TOM1L2: variants seen among roughly 807,000 people sequenced by gnomAD.
TOM1L2 encodes TOM1-like protein 2.
A neutral mutation model predicts 67.9 loss-of-function variants in TOM1L2; 31 were observed. That is an observed-to-expected ratio of 0.46 (90% CI 0.34 to 0.62). The LOEUF is 0.62. TOM1L2 is among the 20% of genes least tolerant of loss of function. The pLI is 0.01. For missense variants in TOM1L2, 606 were observed against 663.5 expected, an observed-to-expected ratio of 0.91 and a Z score of 0.95; for synonymous variants, 256 against 254.0, an observed-to-expected ratio of 1.01 and a Z score of -0.07.
At chr17:17,866,607 T>TCACTGCCTCCTCCCCGTCCC (rs1437955135) in intron 9 of TOM1L2, among the ~76,000 whole-genome samples, 188 bp from the exon 10 acceptor site, 1 of 152,150 alleles carries the variant, frequency 6.6e-6, no homozygotes, top group East Asian at 1.9e-4. Flanking sequence ...TGAGCCCTGC[T>TCACTGCCTCCTCCCCGTCCC]CACTGCCTCC....
chr17:17,895,952 C>T (rs2038548390), intron 3 of TOM1L2, among the ~76,000 whole-genome samples: 2 of 152,196 alleles, frequency 1.3e-5, no homozygotes, highest in African/African-American at 2.4e-5. Context: ...CCTTGCCTTG[C>T]TGCTGGCTGC....
At chr17:17,941,887 G>C (rs960193486) in intron 1 of TOM1L2, among the ~76,000 whole-genome samples, 1 of 152,194 alleles carries the variant, frequency 6.6e-6, no homozygotes, top group African/African-American at 2.4e-5. Context: ...CTACTAGGGA[G>C]GGAAGGTGGA....
intron 1 of TOM1L2, among the ~76,000 whole-genome samples, chr17:17,969,841 C>G (rs775773355): frequency 1.4e-5 from 2 of 145,526 alleles, no homozygotes; most frequent in African/African-American, 2.6e-5. Flanking sequence ...AACTACATTA[C>G]TCTGTGAATA....
At chr17:17,959,939 T>C (rs569840269) in intron 1 of TOM1L2, among the ~76,000 whole-genome samples, 26 of 152,342 alleles carry the variant, frequency 1.7e-4, no homozygotes, top group African/African-American at 6.3e-4. Flanking sequence ...TTTTCCTCCA[T>C]CCATCACTGT....
chr17:17,901,698 C>T (rs2038864926), intron 2 of TOM1L2, among the ~76,000 whole-genome samples: 1 of 152,232 alleles, frequency 6.6e-6, no homozygotes, highest in South Asian at 2.1e-4. Flanking sequence ...CTCCTCTGTG[C>T]CCTCTCCAGC....
intron 1 of TOM1L2, among the ~76,000 whole-genome samples, chr17:17,912,133 C>T (rs548997874): frequency 2.0e-5 from 3 of 152,390 alleles, no homozygotes; most frequent in East Asian, 1.9e-4. Context: ...ACAAAACCGC[C>T]ACTGTCATCA....
chr17:17,862,744 C>T lies in TOM1L2; in HGVS notation c.1189G>A (p.Glu397Lys). ...GGCCCCACATACGTCTTGCGCTGCT[C>T]AGCCAAGGAGTTTCCTCTCGTCTGG... ...FAQTRGNSLA[E>K]QRKTVTYEDP... Residue 397 changes from glutamate (E) to lysine (K), a missense_variant, in exon 11 of 15, where the codon GAG (glutamate) becomes AAG (lysine). Physicochemically the swap from Glu to Lys is moderately conservative, Grantham distance 56. This residue lies in a region of TOM1L2 where 543 missense variants were observed against 554.0 expected (regional missense o/e 0.98). Coordinates refer to ENST00000379504, the MANE Select transcript of TOM1L2 (RefSeq NM_001082968.2). 6.2e-7 allele frequency: 1 copy of T among 1,613,400 alleles called. No homozygotes were observed. The highest frequency in any genetic ancestry group is 1.1e-5 in the South Asian group (1 of 91,040).
chr17:17,893,596 G>C, intron 4 of TOM1L2, 65 bp downstream of exon 4: 1 of 1,435,272 alleles, frequency 7.0e-7, no homozygotes, highest in Non-Finnish European at 9.6e-7. Flanking sequence ...GAGAGCATGA[G>C]GACTCATCAA....
At chr17:17,863,699 C>T (rs1167470595) in intron 10 of TOM1L2, among the ~76,000 whole-genome samples, 2 of 151,954 alleles carry the variant, frequency 1.3e-5, no homozygotes, top group Non-Finnish European at 2.9e-5. Flanking sequence ...CAGGTATGTG[C>T]CACCATGCCC....
intron 3 of TOM1L2, among the ~76,000 whole-genome samples, chr17:17,897,277 A>T (rs1429823948): frequency 2.0e-5 from 3 of 152,212 alleles, no homozygotes; most frequent in African/African-American, 7.2e-5. Flanking sequence ...TCTGAGAAAA[A>T]ATAAAATAAA....
At chr17:17,941,777 A>T (rs2040743915) in intron 1 of TOM1L2, among the ~76,000 whole-genome samples, 1 of 152,218 alleles carries the variant, frequency 6.6e-6, no homozygotes, top group South Asian at 2.1e-4. Flanking sequence ...AACTCGGCTG[A>T]CTGAAAAACA....
At chr17:17,930,529 C>T (rs2144694842) in intron 1 of TOM1L2, among the ~76,000 whole-genome samples, 1 of 152,274 alleles carries the variant, frequency 6.6e-6, no homozygotes, top group South Asian at 2.1e-4. Flanking sequence ...AAATACCCTT[C>T]CCCAGCAGCC....
At chr17:17,848,738 G>A in intron 14 of TOM1L2, 85 bp downstream of exon 14, 1 of 1,488,412 alleles carries the variant, frequency 6.7e-7, no homozygotes, top group South Asian at 1.1e-5. Flanking sequence ...TGGCAGCGGG[G>A]GCTCCAAGAT....
chr17:17,966,585 T>A (rs912523827), intron 1 of TOM1L2, among the ~76,000 whole-genome samples: 7 of 152,126 alleles, frequency 4.6e-5, no homozygotes, highest in African/African-American at 1.4e-4. Context: ...TCCAGGTGAT[T>A]CCCTTGCGGC....
rs369013597 is a variant in TOM1L2, at chr17:17,869,426, G to C, written c.825C>G (p.Leu275=). 52 of 1,613,436 alleles carry C rather than the reference G, an allele frequency of 3.2e-5. No individual in the cohort carries two copies. The African/African-American group carries it at 6.1e-4, about 19-fold the overall frequency. The stretch of plus-strand genomic sequence containing the variant: ...CCTCCTCATTGGACACGCGGGAGAT[G>C]AGCTCCACGATGCGCTGCTGCATGG... ...CRAMQQRIVE[L]ISRVSNEEVT... is the part of the protein sequence containing the mutation. Residue 275 remains leucine, a synonymous_variant, in exon 8 of 15, where the codon CTC becomes CTG. Transcript: ENST00000379504.
Position 17,847,648 on chromosome 17 carries a change from A to G in TOM1L2, c.1511T>C (p.Leu504Pro). Reference sequence around the variant, plus strand: ...CCACAGAGCTGCTCACAGGGCGAAGAGGGCATCCTCTGACCGCTCTGGCTT... The same window carrying G: ...CCACAGAGCTGCTCACAGGGCGAAGGGGGCATCCTCTGACCGCTCTGGCTT... ...RKKPERSEDA[L>P]FAL Residue 504 changes from leucine to proline, a missense_variant, in exon 15 of 15, where the codon CTC (leucine) becomes CCC (proline). Transcript: ENST00000379504. The G allele has an allele frequency of 1.2e-6, 2 of 1,611,982 alleles. No homozygotes were observed. The highest frequency in any genetic ancestry group is 1.7e-6 in the Non-Finnish European group (2 of 1,178,846).
At position 17,872,794 on chromosome 17, in the gene TOM1L2, T is replaced by C. The variant is rs922670820; in HGVS notation, c.778-3321A>G. Among the ~76,000 whole-genome samples the C allele has an allele frequency of 2.0e-5, 3 of 152,214 alleles. No individual in the cohort carries two copies. The East Asian group carries it at 5.8e-4, about 29-fold the overall frequency. On this transcript the variant is annotated intron_variant, in intron 7 of 14. Transcript: ENST00000379504. ...CCACCCCCTCCAGCAAACAGGCCCA[T>C]TACAAGAAAGTGTGGCCTCTGGGGC...
intron 1 of TOM1L2, among the ~76,000 whole-genome samples, chr17:17,962,612 C>A (rs570259347): frequency 6.6e-6 from 1 of 152,040 alleles, no homozygotes; most frequent in Admixed American, 6.5e-5. Context: ...CCGCGACTGG[C>A]CCAATGTGAA....
chr17:17,961,654 A>G (rs1188480161), intron 1 of TOM1L2, among the ~76,000 whole-genome samples: 1 of 152,112 alleles, frequency 6.6e-6, no homozygotes, highest in East Asian at 1.9e-4. Flanking sequence ...CGGGCGCATC[A>G]TGAGGTGAGG....
Sources: gnomAD v4.1 joint callset for allele counts (sites outside exome capture counted in the v4.1 genomes callset) on GRCh38, gnomAD v4.1.1 for gene constraint, gnomAD v4.1.1 regional missense constraint, MANE v1.5 for transcripts, NCBI Gene and HGNC (gene_info 2026-07-23, HGNC 2026-07-21) for gene names.